The following CGGBP1 variants were observed in gnomAD, a reference collection of about 807,000 sequenced individuals.
The protein encoded by CGGBP1 is CGG triplet repeat-binding protein 1.
In CGGBP1, 4 loss-of-function variants were observed where a neutral mutation model predicts 11.4. The observed-to-expected ratio is 0.35, with a 90% CI of 0.17 to 0.80. CGGBP1 has a LOEUF of 0.80. Among genes scored for constraint, CGGBP1 ranks in the 30% least tolerant of loss-of-function variants. The probability of loss-of-function intolerance (pLI) is 0.52; values close to 1 mark genes in which losing one functional copy is unlikely to be tolerated. For missense variants in CGGBP1, 135 were observed against 202.1 expected, an observed-to-expected ratio of 0.67 and a Z score of 2.01; for synonymous variants, 76 against 74.1, an observed-to-expected ratio of 1.03 and a Z score of -0.13.
intron 2 of CGGBP1, among the ~76,000 whole-genome samples, chr3:88,122,614 A>G (rs1043843922): frequency 1.3e-5 from 2 of 152,236 alleles, no homozygotes; most frequent in African/African-American, 4.8e-5. Context: ...TATATTTAGC[A>G]CAGTGTAATG....
At chr3:88,119,466 CA>C (rs1705636076) in intron 2 of CGGBP1, among the ~76,000 whole-genome samples, 1 of 147,522 alleles carries the variant, frequency 6.8e-6, no homozygotes, top group Non-Finnish European at 1.5e-5. Context: ...TGGGTGTGCG[CA>C]CCAGCATGGC....
upstream of CGGBP1, among the ~76,000 whole-genome samples, chr3:88,062,945 C>T (rs958039007): frequency 3.9e-5 from 6 of 152,144 alleles, no homozygotes; most frequent in East Asian, 1.9e-4. Flanking sequence ...ATTTGTGTTT[C>T]GCAGTAAACT....
At chr3:88,124,198 T>A (rs1705947326) in intron 2 of CGGBP1, among the ~76,000 whole-genome samples, 1 of 152,218 alleles carries the variant, frequency 6.6e-6, no homozygotes, top group Non-Finnish European at 1.5e-5. Context: ...CCAAGCACTT[T>A]CTAGTACTGT....
At position 88,055,545 on chromosome 3, in the gene CGGBP1, G is replaced by C; in HGVS notation, c.432C>G (p.Asp144Glu). 5.7e-6 allele frequency: 9 copies of C among 1,591,012 alleles called. No individual in the cohort carries two copies. Among genetic ancestry groups the C allele is most frequent in the Non-Finnish European group, 6.0e-6 (7 of 1,164,374 alleles). ...VKNGGSIPKS[D>E]QLRRAYLPDG... is the part of the protein sequence containing the mutation. ...CAGGAAGATATGCCCTCCGTAGCTG[G>C]TCTGACTTAGGTATGGAGCCTCCAT... The change falls in exon 4 of 4, where the codon GAC becomes GAG. Residue 144 changes from aspartate to glutamate, a missense_variant. Asp to Glu is a conservative substitution (Grantham distance 45). Coordinates refer to ENST00000482016, the MANE Select transcript of CGGBP1 (RefSeq NM_001008390.2). This position sits in a 1 kb window ranked among gnomAD's most constrained non-coding sequence, Gnocchi z 4.2.
chr3:88,080,634 A>G (rs1204177219), intron 2 of CGGBP1, among the ~76,000 whole-genome samples: 2 of 152,028 alleles, frequency 1.3e-5, no homozygotes, highest in Admixed American at 6.6e-5. Context: ...TCTGCTGCCA[A>G]TTTACCTGCT....
At chr3:88,102,817 C>CTTTTTTTTTTTT (rs10701359) in intron 2 of CGGBP1, among the ~76,000 whole-genome samples, 9 of 106,504 alleles carry the variant, frequency 8.5e-5, no homozygotes, top group Non-Finnish European at 1.1e-4. Context: ...CCTCTACTGT[C>CTTTTTTTTTTTT]TTTTTTTTTT....
intron 2 of CGGBP1, among the ~76,000 whole-genome samples, chr3:88,121,133 T>TA (rs765582721): frequency 6.6e-5 from 10 of 150,988 alleles, no homozygotes; most frequent in Admixed American, 2.6e-4. Context: ...ATGAGCAAAA[T>TA]AAAAAAAAAG....
chr3:88,126,304 G>T (rs1363599386), intron 2 of CGGBP1: 2 of 1,425,118 alleles, frequency 1.4e-6, no homozygotes, highest in Non-Finnish European at 1.8e-6. Context: ...ACCAACATTT[G>T]TGAGAAGCAA....
At chr3:88,057,866 A>G (rs1356491647) in intron 2 of CGGBP1, 153 bp downstream of exon 2, 1 of 152,278 alleles carries the variant, frequency 6.6e-6, no homozygotes, top group Admixed American at 6.5e-5. Flanking sequence ...GAGTTTACAT[A>G]CCCGAAGAAC....
At chr3:88,137,820 A>T (rs1258168829) in intron 2 of CGGBP1, among the ~76,000 whole-genome samples, 1 of 152,120 alleles carries the variant, frequency 6.6e-6, no homozygotes, top group Non-Finnish European at 1.5e-5. Context: ...CATGTAAAGG[A>T]CTAAGAAAAC....
At chr3:88,082,542 T>A (rs1708133904) in intron 2 of CGGBP1, among the ~76,000 whole-genome samples, 1 of 152,238 alleles carries the variant, frequency 6.6e-6, no homozygotes, top group Admixed American at 6.5e-5. Context: ...TGAAAGTTGA[T>A]GACAATGGGA....
intron 2 of CGGBP1, chr3:88,140,054 A>T: frequency 6.2e-7 from 1 of 1,613,782 alleles, no homozygotes; most frequent in Non-Finnish European, 8.5e-7. Context: ...GTCAAAGGCA[A>T]TTTGAAGATT....
intron 2 of CGGBP1, among the ~76,000 whole-genome samples, chr3:88,105,588 T>C (rs1704686413): frequency 6.6e-6 from 1 of 152,212 alleles, no homozygotes; most frequent in Admixed American, 6.5e-5. Flanking sequence ...TTGCTAAATA[T>C]GCCCAGTGTT....
At chr3:88,104,621 A>T (rs1159767557) in intron 2 of CGGBP1, among the ~76,000 whole-genome samples, 1 of 152,232 alleles carries the variant, frequency 6.6e-6, no homozygotes, top group Non-Finnish European at 1.5e-5. Context: ...AAGCACCATA[A>T]TATTATTTGA....
rs147411352 is a variant in CGGBP1, at chr3:88,113,291, A to C, written c.-229+27679T>G. 152 of 700,462 alleles carry C rather than the reference A, an allele frequency of 2.2e-4. 1 individual carries two copies. In the African/African-American group the frequency reaches 2.2e-3, roughly 10 times the overall value. 43.4% of individuals were successfully genotyped at this position (700,462 alleles called of 1,614,324 possible). Reference sequence around the variant, plus strand: ...AGCTTATTGGTTATTATTGCTTATAAGTTTTTAATGATTGCTAAGGTGACA... The same window carrying C: ...AGCTTATTGGTTATTATTGCTTATACGTTTTTAATGATTGCTAAGGTGACA... On this transcript the variant is annotated intron_variant, in intron 2 of 3. Transcript: ENST00000462901.
At chr3:88,143,702 C>G (rs1007158155) in intron 1 of CGGBP1, 1 of 152,188 alleles carries the variant, frequency 6.6e-6, no homozygotes, top group Admixed American at 6.6e-5. Flanking sequence ...CTGTCTTTAA[C>G]TTGAGGTTTA....
At chr3:88,145,252 A>G (rs1707289784) in intron 1 of CGGBP1, among the ~76,000 whole-genome samples, 1 of 152,134 alleles carries the variant, frequency 6.6e-6, no homozygotes. Flanking sequence ...ACTATTAGCT[A>G]TAACTTGCAA....
chr3:88,129,904 T>TA, intron 2 of CGGBP1: 1 of 1,251,374 alleles, frequency 8.0e-7, no homozygotes, highest in Non-Finnish European at 1.0e-6. Flanking sequence ...CTTTGTTTTT[T>TA]ACATTGTATG....
At chr3:88,139,287 C>T (rs1433221792) in intron 2 of CGGBP1, 1 of 1,563,588 alleles carries the variant, frequency 6.4e-7, no homozygotes, top group Non-Finnish European at 8.6e-7. Flanking sequence ...CAAAGTAGAT[C>T]ACAATGTCCC....
Sources: gnomAD v4.1 joint callset for allele counts (sites outside exome capture counted in the v4.1 genomes callset) on GRCh38, gnomAD v4.1.1 for gene constraint, Gnocchi (gnomAD v3.1) non-coding constraint, MANE v1.5 for transcripts, NCBI Gene and HGNC (gene_info 2026-07-23, HGNC 2026-07-21) for gene names.